The following PPTC7 variants were observed in gnomAD, a reference collection of about 807,000 sequenced individuals.
PPTC7 encodes the protein protein phosphatase PTC7 homolog.
A neutral mutation model predicts 30.8 loss-of-function variants in PPTC7; 6 were observed. That is an observed-to-expected ratio of 0.19 (90% CI 0.11 to 0.38). The LOEUF is 0.38. PPTC7 is among the 10% of genes least tolerant of loss of function. The pLI is 1.00. For synonymous variants in PPTC7, 163 were observed against 168.1 expected (o/e 0.97, Z 0.23); for missense variants, 218 against 404.8 (o/e 0.54, Z 3.96).
chr12:110,575,438 G>C (rs2064580345), intron 1 of PPTC7, among the ~76,000 whole-genome samples: 1 of 151,862 alleles, frequency 6.6e-6, no homozygotes, highest in Non-Finnish European at 1.5e-5. Context: ...GCTACTCAAA[G>C]GACATGGTTG....
At chr12:110,553,607 T>C (rs1033311562) in intron 1 of PPTC7, among the ~76,000 whole-genome samples, 7 of 151,922 alleles carry the variant, frequency 4.6e-5, no homozygotes, top group Non-Finnish European at 8.8e-5. Flanking sequence ...AGTGAGTCCC[T>C]GACTCTACTA....
chr12:110,576,318 C>G (rs979164990), intron 1 of PPTC7, among the ~76,000 whole-genome samples: 1 of 151,886 alleles, frequency 6.6e-6, no homozygotes, highest in Non-Finnish European at 1.5e-5. Context: ...AAAAAAACAG[C>G]TATATTCCTC....
At chr12:110,581,680 T>C (rs1308602570) in intron 1 of PPTC7, among the ~76,000 whole-genome samples, 3 of 152,200 alleles carry the variant, frequency 2.0e-5, no homozygotes, top group Admixed American at 1.3e-4. Flanking sequence ...AAACACTACA[T>C]GTAGTAGAAC....
intron 1 of PPTC7, among the ~76,000 whole-genome samples, chr12:110,565,484 G>A (rs929823216): frequency 6.6e-6 from 1 of 151,990 alleles, no homozygotes; most frequent in Non-Finnish European, 1.5e-5. Flanking sequence ...TTGAACTCCT[G>A]ACCTTGTGAT....
intron 1 of PPTC7, among the ~76,000 whole-genome samples, chr12:110,567,898 T>C (rs1324374200): frequency 1.3e-5 from 2 of 152,210 alleles, no homozygotes; most frequent in Non-Finnish European, 1.5e-5. Flanking sequence ...CTGTGCACTC[T>C]TGAATTCTGA....
At chr12:110,540,300 C>CCGAA in intron 3 of PPTC7, among the ~76,000 whole-genome samples, 1 of 148,012 alleles carries the variant, frequency 6.8e-6, no homozygotes, top group African/African-American at 2.5e-5. Context: ...TTCTTTACAG[C>CCGAA]CGAATTCCAT....
chr12:110,547,099 G>A (rs963513723), intron 2 of PPTC7, among the ~76,000 whole-genome samples: 2 of 152,208 alleles, frequency 1.3e-5, no homozygotes, highest in African/African-American at 4.8e-5. Flanking sequence ...GAGAATTTAC[G>A]CTAAGAAAAT....
At chr12:110,548,998 G>A (rs1338207148) in intron 2 of PPTC7, among the ~76,000 whole-genome samples, 2 of 152,128 alleles carry the variant, frequency 1.3e-5, no homozygotes, top group East Asian at 1.9e-4. Context: ...TAAGAAAAGC[G>A]GTGCTGAGAA....
At chr12:110,569,040 C>A (rs551669592) in intron 1 of PPTC7, among the ~76,000 whole-genome samples, 34 of 147,310 alleles carry the variant, frequency 2.3e-4, no homozygotes, top group African/African-American at 7.6e-4. Flanking sequence ...CCGCCCCCCC[C>A]CCTCAAAAAA....
At chr12:110,562,648 C>T (rs1176102364) in intron 1 of PPTC7, among the ~76,000 whole-genome samples, 2 of 151,220 alleles carry the variant, frequency 1.3e-5, no homozygotes, top group African/African-American at 4.9e-5. Flanking sequence ...CAAAAATGAC[C>T]CAGGTATGGT....
At chr12:110,558,858 G>A (rs941247293) in intron 1 of PPTC7, among the ~76,000 whole-genome samples, 4 of 152,216 alleles carry the variant, frequency 2.6e-5, no homozygotes, top group Middle Eastern at 6.8e-3. Flanking sequence ...CGCCCGCCTC[G>A]GCCTCCCAAA....
chr12:110,582,430 G>A (rs756553184), intron 1 of PPTC7, among the ~76,000 whole-genome samples: 13 of 152,198 alleles, frequency 8.5e-5, no homozygotes, highest in Non-Finnish European at 1.5e-4. Context: ...CGGGGCATGC[G>A]GAGAGGGAAC....
intron 1 of PPTC7, among the ~76,000 whole-genome samples, chr12:110,581,690 C>A (rs1372307228): frequency 1.3e-5 from 2 of 152,116 alleles, no homozygotes; most frequent in Admixed American, 6.6e-5. Flanking sequence ...TGTAGTAGAA[C>A]CAAAGATACT....
At position 110,542,673 on chromosome 12, in the gene PPTC7, C is replaced by CAA. The variant is rs765332697; in HGVS notation, c.603-2730_603-2729dup. On this transcript the variant is annotated intron_variant, in intron 3 of 5. Coordinates refer to ENST00000354300, the MANE Select transcript of PPTC7 (RefSeq NM_139283.2). ...TGGGCAGCAGAGCGAGACTCTGTCT[C>CAA]AAAAAAAAAAAAAAAAAAAAAAAAA... Among the ~76,000 whole-genome samples the CAA allele has an allele frequency of 6.8e-3, 181 of 26,728 alleles. 8 individuals carry two copies. Among genetic ancestry groups the CAA allele is most frequent in the Admixed American group, 0.024 (52 of 2,180 alleles). The allele number at this position is 26,728 out of a possible 152,430, so 17.5% of individuals were successfully genotyped here.
intron 1 of PPTC7, among the ~76,000 whole-genome samples, chr12:110,564,287 G>C (rs562567190): frequency 6.6e-6 from 1 of 152,208 alleles, no homozygotes; most frequent in South Asian, 2.1e-4. Context: ...TTATGTTACA[G>C]AAGTAAGGGC....
chr12:110,543,811 G>T (rs1156862526), intron 3 of PPTC7, among the ~76,000 whole-genome samples: 1 of 152,168 alleles, frequency 6.6e-6, no homozygotes, highest in Non-Finnish European at 1.5e-5. Context: ...ACATGCTAGC[G>T]AGCTGTCTCT....
Position 110,538,187 on chromosome 12 carries a change from T to C in PPTC7, c.813A>G (p.Ser271=). ...TGTCACATGCAAACTGTGCAAAAGG[T>C]GACATATAATTTGGGTCATAGGCCA... The part of the protein sequence containing the change: ...HELAYDPNYM[S]PFAQFACDNG... The change falls in exon 5 of 6, where the codon TCA becomes TCG. Residue 271 remains serine, a synonymous_variant. Transcript: ENST00000354300. 6.2e-7 allele frequency: 1 copy of C among 1,614,148 alleles called. No homozygotes were observed. Among genetic ancestry groups the C allele is most frequent in the Admixed American group, 1.7e-5 (1 of 60,020 alleles).
rs2064211527 is a variant in PPTC7, at chr12:110,535,415, A to T, written c.*1622T>A. 6.6e-6 allele frequency: 1 copy of T among 152,664 alleles called. No individual in the cohort carries two copies. Among genetic ancestry groups the T allele is most frequent in the African/African-American group, 2.4e-5 (1 of 41,456 alleles). 9.5% of individuals were successfully genotyped at this position (152,664 alleles called of 1,614,324 possible). On this transcript the variant is annotated 3_prime_UTR_variant, in exon 6 of 6. Transcript: ENST00000354300. ...AAGCATGATGCATTGAAATATAGTA[A>T]TGACATGTACATGGTACATGTTAAA...
chr12:110,564,428 C>T (rs1002442252), intron 1 of PPTC7, among the ~76,000 whole-genome samples: 1 of 152,180 alleles, frequency 6.6e-6, no homozygotes, highest in African/African-American at 2.4e-5. Flanking sequence ...CCTACTTGTA[C>T]TGGCCCTTTA....
Sources: gnomAD v4.1 joint callset for allele counts (sites outside exome capture counted in the v4.1 genomes callset) on GRCh38, gnomAD v4.1.1 for gene constraint, MANE v1.5 for transcripts, NCBI Gene and HGNC (gene_info 2026-07-23, HGNC 2026-07-21) for gene names.